Variants in CDH12 observed in about 807,000 individuals in gnomAD.
CDH12 encodes cadherin-12.
Under a neutral mutation model 74.1 loss-of-function variants are expected in CDH12, and 41 were observed. That is an observed-to-expected ratio of 0.55 (90% CI 0.43 to 0.72). The LOEUF (loss-of-function observed/expected upper bound fraction) is 0.72, where lower values mean the gene tolerates loss of function less well. Ranked by LOEUF, CDH12 falls within the 30% of genes least tolerant of loss-of-function variation. The pLI is 0.00. For missense variants in CDH12, 945 were observed against 977.2 expected, an observed-to-expected ratio of 0.97 and a Z score of 0.44; for synonymous variants, 399 against 355.0, an observed-to-expected ratio of 1.12 and a Z score of -1.39.
rs756517987 is a variant in CDH12 at position 22,017,763 on chromosome 5, C to CTT, written c.232-42380_232-42379dup. Among the ~76,000 whole-genome samples the CTT allele has an allele frequency of 1.9e-4, 27 of 140,452 alleles. 1 individual carries two copies. Among genetic ancestry groups the CTT allele is most frequent in the African/African-American group, 4.7e-4 (18 of 38,456 alleles). 92.1% of individuals were successfully genotyped at this position (140,452 alleles called of 152,430 possible). ...ACTAAAATACCAGTTTCCCTCCATT[C>CTT]TTTTTTTTTTTTTTTGAGACAGTTT... On this transcript the variant is annotated intron_variant, in intron 5 of 14. Transcript: ENST00000382254.
At chr5:21,754,223 C>G (rs1286117642) in intron 14 of CDH12, among the ~76,000 whole-genome samples, 1 of 152,110 alleles carries the variant, frequency 6.6e-6, no homozygotes, top group South Asian at 2.1e-4. Context: ...TGAAAACCCT[C>G]TCTCCATGGT....
chr5:22,528,605 G>T (rs766067951), intron 1 of CDH12, among the ~76,000 whole-genome samples: 13 of 152,124 alleles, frequency 8.5e-5, no homozygotes, highest in East Asian at 1.9e-4. Flanking sequence ...TTTATGTGGT[G>T]CTTAAGCTGG....
intron 4 of CDH12, among the ~76,000 whole-genome samples, chr5:22,118,061 T>C (rs1003204879): frequency 1.3e-5 from 2 of 152,120 alleles, no homozygotes; most frequent in Non-Finnish European, 2.9e-5. Flanking sequence ...ATCAAGCCAT[T>C]TTCCTACAAT....
At chr5:22,463,033 C>T (rs143239286) in intron 2 of CDH12, among the ~76,000 whole-genome samples, 76 of 152,076 alleles carry the variant, frequency 5.0e-4, no homozygotes, top group African/African-American at 1.8e-3. Context: ...CAGGCAGAGA[C>T]CACGAATTAA....
intron 1 of CDH12, among the ~76,000 whole-genome samples, chr5:22,570,080 G>A (rs936402028): frequency 1.7e-4 from 26 of 151,020 alleles, no homozygotes; most frequent in African/African-American, 3.2e-4. Context: ...TATTGAGACC[G>A]AGTCTCGCTG....
At chr5:22,247,869 T>G (rs996169053) in intron 3 of CDH12, among the ~76,000 whole-genome samples, 2 of 152,128 alleles carry the variant, frequency 1.3e-5, no homozygotes, top group African/African-American at 4.8e-5. Flanking sequence ...CACAGAGGTA[T>G]GTGGCCAGAC....
At chr5:21,776,548 A>T (rs1745599363) in intron 11 of CDH12, among the ~76,000 whole-genome samples, 1 of 152,164 alleles carries the variant, frequency 6.6e-6, no homozygotes, top group Non-Finnish European at 1.5e-5. Flanking sequence ...TTAAAATCTA[A>T]ATATGATCCA....
At chr5:22,175,946 T>G (rs1749310234) in intron 4 of CDH12, among the ~76,000 whole-genome samples, 1 of 152,176 alleles carries the variant, frequency 6.6e-6, no homozygotes. Flanking sequence ...TTTATTTTCT[T>G]CCTTTCTCCA....
intron 3 of CDH12, among the ~76,000 whole-genome samples, chr5:22,276,608 C>A (rs921457611): frequency 6.6e-6 from 1 of 152,178 alleles, no homozygotes; most frequent in African/African-American, 2.4e-5. Flanking sequence ...TGAACGTTAA[C>A]ACTTGAAAAA....
At chr5:22,015,536 T>C (rs1187808878) in intron 5 of CDH12, among the ~76,000 whole-genome samples, 1 of 152,162 alleles carries the variant, frequency 6.6e-6, no homozygotes, top group African/African-American at 2.4e-5. Flanking sequence ...ATATGCAGCA[T>C]TTAGACAAAT....
intron 1 of CDH12, among the ~76,000 whole-genome samples, chr5:22,757,299 CATA>C: frequency 6.6e-6 from 1 of 152,304 alleles, no homozygotes; most frequent in East Asian, 1.9e-4. Flanking sequence ...TCACATGAAA[CATA>C]ATATTTACCT....
chr5:22,286,280 C>A lies in CDH12; in HGVS notation c.-332-73637G>T, dbSNP rs1254744434. ...ATAAAGAGAATAAATGTCATGCTAG[C>A]AATTTTTGCAATAATTTTCTCTCTT... On this transcript the variant is annotated intron_variant, in intron 3 of 14. Coordinates refer to ENST00000382254, the MANE Select transcript of CDH12 (RefSeq NM_004061.5). Among the ~76,000 whole-genome samples the A allele has an allele frequency of 1.3e-4, 20 of 152,214 alleles. No individual in the cohort carries two copies. The East Asian group carries it at 2.9e-3, about 22-fold the overall frequency.
chr5:22,782,367 G>A (rs1747425811), intron 1 of CDH12, among the ~76,000 whole-genome samples: 1 of 152,092 alleles, frequency 6.6e-6, no homozygotes, highest in Admixed American at 6.6e-5. Flanking sequence ...CCCCCGTGCT[G>A]TTCTCATGAT....
rs141971062 is a variant in CDH12 at position 22,346,593 on chromosome 5, A to T, written c.-333+58664T>A. ...AGTACTATAAAAATATTTCAACATT[A>T]ATTAAAAATATGCTGCACAAGAAAT... On this transcript the variant is annotated intron_variant, in intron 3 of 14. Transcript: ENST00000382254. Among the ~76,000 whole-genome samples the T allele has an allele frequency of 1.7e-3, 256 of 152,332 alleles. 1 individual carries two copies. The highest frequency in any genetic ancestry group is 5.8e-3 in the African/African-American group (242 of 41,562).
chr5:22,664,943 G>T (rs16897860), intron 1 of CDH12, among the ~76,000 whole-genome samples: 20,378 of 152,064 alleles, frequency 0.13, 1,847 homozygotes, highest in African/African-American at 0.23. Context: ...ATAGTTTTAG[G>T]TTTTGTTTGT....
rs1752503100 is a variant in CDH12, at chr5:21,884,074, T to C, written c.527-29284A>G. On this transcript the variant is annotated intron_variant, in intron 6 of 14. Transcript: ENST00000382254. ...GGATCTTTGATAGTTGAGAAAATTA[T>C]GCAAAATTCCTCAGAAGTTGGTTAT... 4.2e-6 allele frequency: 6 copies of C among 1,423,168 alleles called. No homozygotes were observed. In the Admixed American group the frequency reaches 6.7e-5, roughly 16 times the overall value. The allele number at this position is 1,423,168 out of a possible 1,614,324, so 88.2% of individuals were successfully genotyped here. A position where few individuals can be genotyped will look rare whatever the true frequency, so the allele number is the denominator to read the frequency against.
In CDH12 at chr5:22,206,978, C is replaced by T. The variant is rs1331072162; in HGVS notation, c.-187+5520G>A. 8.6e-5 allele frequency among the ~76,000 whole-genome samples: 13 copies of T among 150,442 alleles called. No homozygotes were observed. The South Asian group carries it at 1.1e-3, about 12-fold the overall frequency. On this transcript the variant is annotated intron_variant, in intron 4 of 14. Coordinates refer to ENST00000382254, the MANE Select transcript of CDH12 (RefSeq NM_004061.5). Reference sequence around the variant, plus strand: ...CCTGTAATCCCAGCACTTTGGGAGGCGGAGGTGGATGGATCACGAGGTCAG... The same window carrying T: ...CCTGTAATCCCAGCACTTTGGGAGGTGGAGGTGGATGGATCACGAGGTCAG...
intron 1 of CDH12, among the ~76,000 whole-genome samples, chr5:22,574,953 G>A (rs978696670): frequency 1.3e-5 from 2 of 152,074 alleles, no homozygotes; most frequent in Non-Finnish European, 2.9e-5. Flanking sequence ...AGCACTCAAT[G>A]CAGACTTGAT....
intron 1 of CDH12, among the ~76,000 whole-genome samples, chr5:22,539,688 A>G (rs1167200687): frequency 6.6e-6 from 1 of 152,230 alleles, no homozygotes; most frequent in Non-Finnish European, 1.5e-5. Flanking sequence ...CAATTCCAGA[A>G]AAGTTTGTTA....
Sources: allele counts gnomAD v4.1 joint callset (sites outside exome capture counted in the v4.1 genomes callset), GRCh38; gene constraint gnomAD v4.1.1; transcripts MANE v1.5; gene names NCBI Gene and HGNC (gene_info 2026-07-23, HGNC 2026-07-21).